The following MARCHF1 variants were observed in gnomAD, a reference collection of about 807,000 sequenced individuals.
The protein encoded by MARCHF1 is membrane associated ring-CH-type finger 1.
Under a neutral mutation model 54.2 loss-of-function variants are expected in MARCHF1, and 40 were observed. That is an observed-to-expected ratio of 0.74 (90% CI 0.57 to 0.96). The LOEUF (loss-of-function observed/expected upper bound fraction) is 0.96, where lower values mean the gene tolerates loss of function less well. Among genes scored for constraint, MARCHF1 ranks in the 40% least tolerant of loss-of-function variants. MARCHF1 has a pLI of 0.00. For missense variants in MARCHF1, 586 were observed against 656.5 expected (o/e 0.89, Z 1.17); for synonymous variants, 236 against 236.3 (o/e 1.00, Z 0.01).
intron 3 of MARCHF1, among the ~76,000 whole-genome samples, chr4:163,959,945 T>C (rs1345519585): frequency 6.6e-6 from 1 of 151,342 alleles, no homozygotes; most frequent in Non-Finnish European, 1.5e-5. Context: ...CCAACATGTA[T>C]AAGGAACAAA....
chr4:163,837,327 A>G (rs991414352), intron 4 of MARCHF1, among the ~76,000 whole-genome samples: 5 of 152,228 alleles, frequency 3.3e-5, no homozygotes, highest in African/African-American at 1.2e-4. Context: ...ACAAAAAAAA[A>G]GTAAGATAGT....
chr4:163,627,238 T>C (rs770646712), intron 5 of MARCHF1, among the ~76,000 whole-genome samples: 3 of 152,200 alleles, frequency 2.0e-5, no homozygotes, highest in Non-Finnish European at 4.4e-5. Flanking sequence ...TCTTGCATTT[T>C]TAGAGTGCTC....
intron 5 of MARCHF1, among the ~76,000 whole-genome samples, chr4:163,657,981 T>A (rs1743210105): frequency 6.6e-6 from 1 of 151,350 alleles, no homozygotes; most frequent in African/African-American, 2.4e-5. Flanking sequence ...CTAGGCAATA[T>A]CATTCAGGAC....
intron 5 of MARCHF1, among the ~76,000 whole-genome samples, chr4:163,619,770 C>CA (rs892991558): frequency 4.1e-4 from 58 of 142,778 alleles, no homozygotes; most frequent in East Asian, 1.0e-3. Flanking sequence ...TTAAATACAG[C>CA]AAAAAAAAAG....
At chr4:164,276,030 T>G (rs1305870614) in intron 1 of MARCHF1, among the ~76,000 whole-genome samples, 1 of 152,188 alleles carries the variant, frequency 6.6e-6, no homozygotes, top group Non-Finnish European at 1.5e-5. Flanking sequence ...CCATAGTCTG[T>G]CCCATTTCAA....
chr4:164,066,563 T>C (rs1420337516), intron 2 of MARCHF1, among the ~76,000 whole-genome samples: 1 of 152,274 alleles, frequency 6.6e-6, no homozygotes, highest in Non-Finnish European at 1.5e-5. Context: ...AAGACACATG[T>C]ATGTGCATGT....
At chr4:164,351,842 C>T (rs1416245207) in intron 1 of MARCHF1, among the ~76,000 whole-genome samples, 1 of 151,646 alleles carries the variant, frequency 6.6e-6, no homozygotes, top group Non-Finnish European at 1.5e-5. Flanking sequence ...AAACCAAAGG[C>T]AAAGAAGTTG....
intron 8 of MARCHF1, among the ~76,000 whole-genome samples, chr4:163,569,273 G>T (rs1163115971): frequency 6.6e-6 from 1 of 152,086 alleles, no homozygotes; most frequent in African/African-American, 2.4e-5. Context: ...CAATCAGCTG[G>T]GTCACGATAG....
intron 1 of MARCHF1, among the ~76,000 whole-genome samples, chr4:164,249,174 T>G (rs1343347382): frequency 6.6e-6 from 1 of 152,084 alleles, no homozygotes; most frequent in Admixed American, 6.6e-5. Context: ...TCAAGGCTCT[T>G]AAAGATTAAC....
At chr4:163,704,980 A>G (rs1032891228) in intron 4 of MARCHF1, among the ~76,000 whole-genome samples, 1 of 151,722 alleles carries the variant, frequency 6.6e-6, no homozygotes, top group African/African-American at 2.4e-5. Flanking sequence ...ACAAAAAACT[A>G]TATAAAAAGA....
chr4:164,369,560 C>T (rs1336168286), intron 1 of MARCHF1, among the ~76,000 whole-genome samples: 4 of 151,954 alleles, frequency 2.6e-5, no homozygotes, highest in African/African-American at 9.7e-5. Context: ...ATCACTGAAC[C>T]TCTGGGAACC....
At chr4:164,034,076 T>C (rs201060064) in intron 2 of MARCHF1, among the ~76,000 whole-genome samples, 5,854 of 60,644 alleles carry the variant, frequency 0.097, 235 homozygotes, top group East Asian at 0.33. Context: ...GACAGATAGA[T>C]AGATAGATAG....
chr4:163,737,156 TTTTC>T (rs1169271337), intron 4 of MARCHF1, among the ~76,000 whole-genome samples: 14 of 97,942 alleles, frequency 1.4e-4, no homozygotes, highest in East Asian at 4.7e-4. Flanking sequence ...CTCGCAGCTT[TTTTC>T]TTTCTTTTTT....
chr4:164,283,941 A>G (rs1734084774), intron 1 of MARCHF1, among the ~76,000 whole-genome samples: 1 of 151,026 alleles, frequency 6.6e-6, no homozygotes. Context: ...CTTTCAGTTC[A>G]AAGAGAATTA....
chr4:163,898,709 C>G (rs1243309338), intron 3 of MARCHF1, among the ~76,000 whole-genome samples: 1 of 152,078 alleles, frequency 6.6e-6, no homozygotes, highest in African/African-American at 2.4e-5. Context: ...GAAAAGAAAT[C>G]ATTACATAAA....
At chr4:164,050,703 C>T (rs746966985) in intron 2 of MARCHF1, among the ~76,000 whole-genome samples, 9 of 152,138 alleles carry the variant, frequency 5.9e-5, no homozygotes, top group Middle Eastern at 3.4e-3. Flanking sequence ...GAGGCTAAGG[C>T]GGGCGGATCA....
At chr4:164,251,252 CA>C (rs1733114640) in intron 1 of MARCHF1, among the ~76,000 whole-genome samples, 1 of 152,094 alleles carries the variant, frequency 6.6e-6, no homozygotes, top group Non-Finnish European at 1.5e-5. Flanking sequence ...TTCTAACGTT[CA>C]AAGGCATAAT....
At chr4:164,269,954 A>G (rs1298887101) in intron 1 of MARCHF1, among the ~76,000 whole-genome samples, 1 of 152,144 alleles carries the variant, frequency 6.6e-6, no homozygotes, top group Non-Finnish European at 1.5e-5. Context: ...CCTGCAATCT[A>G]TTTCAACTCA....
At chr4:164,232,378 A>T (rs1395417113) in intron 1 of MARCHF1, among the ~76,000 whole-genome samples, 2 of 152,180 alleles carry the variant, frequency 1.3e-5, no homozygotes, top group Non-Finnish European at 2.9e-5. Flanking sequence ...GTTGTATCAC[A>T]CACACAGATA....
Sources: allele counts gnomAD v4.1 joint callset (sites outside exome capture counted in the v4.1 genomes callset), GRCh38; gene constraint gnomAD v4.1.1; transcripts MANE v1.5; gene names NCBI Gene and HGNC (gene_info 2026-07-23, HGNC 2026-07-21).